The following PDE3B variants were observed in gnomAD, a reference collection of about 807,000 sequenced individuals.
PDE3B encodes cGMP-inhibited 3',5'-cyclic phosphodiesterase 3B.
PDE3B carries 66 observed loss-of-function variants against 116.8 expected under a neutral mutation model. The ratio of observed to expected loss-of-function variants is 0.56; its 90% CI spans 0.46 to 0.69. The LOEUF (loss-of-function observed/expected upper bound fraction) is 0.69, where lower values mean the gene tolerates loss of function less well. PDE3B is among the 30% of genes least tolerant of loss of function. PDE3B has a pLI of 0.00. For synonymous variants in PDE3B, 595 were observed against 533.6 expected, an observed-to-expected ratio of 1.12 and a Z score of -1.59; for missense variants, 1,384 against 1,368.1, an observed-to-expected ratio of 1.01 and a Z score of -0.18.
chr11:14,776,900 T>C (rs1186784092), intron 2 of PDE3B, among the ~76,000 whole-genome samples: 2 of 151,800 alleles, frequency 1.3e-5, no homozygotes. Flanking sequence ...AATCACAACT[T>C]GAATAAGAAA....
At position 14,821,472 on chromosome 11, in the gene PDE3B, T is replaced by C. The variant is rs567486692; in HGVS notation, c.1807+2263T>C. 5.3e-5 allele frequency among the ~76,000 whole-genome samples: 8 copies of C among 152,228 alleles called. No homozygotes were observed. In the East Asian group the frequency reaches 1.5e-3, roughly 29 times the overall value. On this transcript the variant is annotated intron_variant, in intron 7 of 15. Transcript: ENST00000282096. The stretch of plus-strand genomic sequence containing the variant: ...CTTCATTTACCTCACCTGTTTTTAT[T>C]ATTATCTGTAAGATAATAGTTATTA...
chr11:14,896,386 A>C, the PDE3B span, among the ~76,000 whole-genome samples: 1 of 152,202 alleles, frequency 6.6e-6, no homozygotes, highest in East Asian at 1.9e-4. Flanking sequence ...CTACTAGATT[A>C]GATGCTGGGA....
At chr11:14,704,767 G>T (rs183011592) in intron 1 of PDE3B, among the ~76,000 whole-genome samples, 4 of 151,484 alleles carry the variant, frequency 2.6e-5, no homozygotes, top group African/African-American at 9.7e-5. Context: ...ATGTGTCATA[G>T]ACCTAAATTT....
chr11:14,697,260 A>G (rs1855233326), intron 1 of PDE3B, among the ~76,000 whole-genome samples: 1 of 152,022 alleles, frequency 6.6e-6, no homozygotes, highest in East Asian at 1.9e-4. Context: ...TAGATATGTG[A>G]TCTAGAATTA....
chr11:14,844,217 T>C (rs1021329879), intron 12 of PDE3B, among the ~76,000 whole-genome samples, 191 bp downstream of exon 12: 2 of 152,224 alleles, frequency 1.3e-5, no homozygotes, highest in Non-Finnish European at 2.9e-5. Context: ...AGAATCAACT[T>C]CTTGAACTAG....
chr11:14,759,163 G>T (rs960078600), intron 1 of PDE3B, among the ~76,000 whole-genome samples: 7 of 152,152 alleles, frequency 4.6e-5, no homozygotes, highest in African/African-American at 1.4e-4. Context: ...TGCTGGATTC[G>T]TTTTTTCCAG....
intron 1 of PDE3B, among the ~76,000 whole-genome samples, chr11:14,706,690 A>C (rs1037982851): frequency 6.6e-6 from 1 of 151,988 alleles, no homozygotes; most frequent in African/African-American, 2.4e-5. Flanking sequence ...AAAGATGTGC[A>C]TTATAAATTT....
the PDE3B span, chr11:14,880,577 C>A: frequency 6.2e-7 from 1 of 1,613,190 alleles, no homozygotes; most frequent in Non-Finnish European, 8.5e-7. Flanking sequence ...ATGTTTGAAA[C>A]AGCATTCGTT....
chr11:14,749,178 C>G (rs1590113110), intron 1 of PDE3B, among the ~76,000 whole-genome samples: 1 of 152,086 alleles, frequency 6.6e-6, no homozygotes. Context: ...CGTGAGCCAT[C>G]CACGCCTGGC....
chr11:14,818,139 A>C (rs911063057), intron 5 of PDE3B, 44 bp from the exon 6 acceptor site: 1 of 1,290,142 alleles, frequency 7.8e-7, no homozygotes, highest in South Asian at 1.2e-5. Flanking sequence ...TACACACATA[A>C]ATACATTCTT....
At position 14,644,057 on chromosome 11, in the gene PDE3B, G is replaced by C; in HGVS notation, c.-19G>C. On this transcript the variant is annotated 5_prime_UTR_variant, in exon 1 of 16. Coordinates refer to ENST00000282096, the MANE Select transcript of PDE3B (RefSeq NM_000922.4). ...CGAGCGGGGTGTGCTGAGTCCCGTG[G>C]CCACCCCCGGCCCCAGCCATGAGGA... 6.7e-7 allele frequency: 1 copy of C among 1,485,828 alleles called. No individual in the cohort carries two copies. Among genetic ancestry groups the C allele is most frequent in the South Asian group, 1.3e-5 (1 of 77,210 alleles). The allele number at this position is 1,485,828 out of a possible 1,614,324, so 92.0% of individuals were successfully genotyped here.
At chr11:14,800,738 T>A (rs2133931311) in intron 4 of PDE3B, among the ~76,000 whole-genome samples, 1 of 152,324 alleles carries the variant, frequency 6.6e-6, no homozygotes, top group South Asian at 2.1e-4. Context: ...TTGGATAATA[T>A]CCTGAAGAGT....
downstream of PDE3B, among the ~76,000 whole-genome samples, chr11:14,875,609 T>C (rs182353863): frequency 6.6e-6 from 1 of 152,358 alleles, no homozygotes; most frequent in East Asian, 1.9e-4. Flanking sequence ...ATTTATATTT[T>C]TCCAAAAGTG....
chr11:14,842,116 C>T (rs1423352707), intron 11 of PDE3B, among the ~76,000 whole-genome samples: 1 of 151,914 alleles, frequency 6.6e-6, no homozygotes, highest in African/African-American at 2.4e-5. Context: ...CCTACATATA[C>T]GAGATTAGGC....
At position 14,819,183 on chromosome 11, in the gene PDE3B, G is replaced by T; in HGVS notation, c.1781G>T (p.Gly594Val). The change falls in exon 7 of 16, where the codon GGT becomes GTT. Residue 594 changes from glycine to valine, a missense_variant. This residue lies in a region of PDE3B where 956 missense variants were observed against 806.8 expected (regional missense o/e 1.18). Coordinates refer to ENST00000282096, the MANE Select transcript of PDE3B (RefSeq NM_000922.4). The part of the protein sequence containing the change: ...LKYVSTSESD[G>V]TDCCSGKSGE... Reference sequence around the variant, plus strand: ...TATGTTTCAACATCTGAATCAGATGGTACAGATTGCTGCAGTGGAAAATCA... The same window carrying T: ...TATGTTTCAACATCTGAATCAGATGTTACAGATTGCTGCAGTGGAAAATCA... 5 of 1,593,722 alleles carry T rather than the reference G, an allele frequency of 3.1e-6. No individual in the cohort carries two copies. Among genetic ancestry groups the T allele is most frequent in the Non-Finnish European group, 4.3e-6 (5 of 1,166,494 alleles).
intron 5 of PDE3B, among the ~76,000 whole-genome samples, chr11:14,813,387 G>A (rs1191865252): frequency 6.6e-6 from 1 of 152,066 alleles, no homozygotes; most frequent in Non-Finnish European, 1.5e-5. Context: ...TGGATTCCTG[G>A]CCCATGGCCC....
intron 5 of PDE3B, among the ~76,000 whole-genome samples, chr11:14,806,581 C>T (rs952255441): frequency 3.3e-5 from 5 of 150,978 alleles, no homozygotes; most frequent in South Asian, 2.1e-4. Context: ...AATGTGAGGC[C>T]GGGCGCGGTG....
At chr11:14,827,388 T>G in intron 7 of PDE3B, among the ~76,000 whole-genome samples, 1 of 152,076 alleles carries the variant, frequency 6.6e-6, no homozygotes, top group East Asian at 1.9e-4. Flanking sequence ...TATCCCTGTT[T>G]GCAGACATGA....
At chr11:14,887,670 C>T in the PDE3B span, 3 of 983,776 alleles carry the variant, frequency 3.0e-6, no homozygotes, top group African/African-American at 5.2e-5. Context: ...CTTTCCCTCA[C>T]CCAAACCAGC....
Sources: allele counts gnomAD v4.1 joint callset (sites outside exome capture counted in the v4.1 genomes callset), GRCh38; gene constraint gnomAD v4.1.1; regional missense constraint gnomAD v4.1.1; transcripts MANE v1.5; gene names NCBI Gene and HGNC (gene_info 2026-07-23, HGNC 2026-07-21).